Variants in BNC2 observed in about 807,000 individuals in gnomAD.
BNC2 encodes the protein basonuclin zinc finger protein 2, also known as zinc finger protein basonuclin-2.
BNC2 carries 20 observed loss-of-function variants against 76.3 expected under a neutral mutation model. The observed-to-expected ratio is 0.26, with a 90% CI of 0.18 to 0.38. The LOEUF (loss-of-function observed/expected upper bound fraction) is 0.38. BNC2 is among the 10% of genes least tolerant of loss of function. BNC2 has a pLI of 1.00. For synonymous variants in BNC2, 582 were observed against 514.8 expected (o/e 1.13, Z -1.77); for missense variants, 1,382 against 1,399.8 (o/e 0.99, Z 0.20).
intron 3 of BNC2, among the ~76,000 whole-genome samples, chr9:16,660,105 T>A (rs926056477): frequency 6.6e-6 from 1 of 152,222 alleles, no homozygotes; most frequent in African/African-American, 2.4e-5. Context: ...AATTGTACTA[T>A]TTACTAGCAC....
intron 5 of BNC2, among the ~76,000 whole-genome samples, chr9:16,437,853 G>T (rs761055600): frequency 8.6e-5 from 13 of 152,026 alleles, no homozygotes; most frequent in Non-Finnish European, 1.6e-4. Flanking sequence ...CAACTATTTA[G>T]CATATATTAG....
chr9:16,775,034 G>A (rs1415389399), intron 1 of BNC2, among the ~76,000 whole-genome samples: 1 of 152,094 alleles, frequency 6.6e-6, no homozygotes, highest in African/African-American at 2.4e-5. Flanking sequence ...ATTATTTCTA[G>A]GTTCCTTTAG....
Position 16,815,992 on chromosome 9 carries a change from A to G in BNC2, c.3+54654T>C, listed in dbSNP as rs951359678. On this transcript the variant is annotated intron_variant, in intron 1 of 6. Coordinates refer to ENST00000380672, the MANE Select transcript of BNC2 (RefSeq NM_017637.6). Reference sequence around the variant, plus strand: ...GAAGTTCTTCATGTTTTAACTGGAAAGTTAAAAACAATTTCCCAACTGCCT... The same window carrying G: ...GAAGTTCTTCATGTTTTAACTGGAAGGTTAAAAACAATTTCCCAACTGCCT... 9.9e-5 allele frequency among the ~76,000 whole-genome samples: 15 copies of G among 152,272 alleles called. 1 individual carries two copies. Among genetic ancestry groups the G allele is most frequent in the South Asian group, 2.1e-4 (1 of 4,824 alleles).
rs564446382 is a variant in BNC2, at chr9:16,851,768, A to G, written c.3+18878T>C. ...TAAAAATGAAGGAAAAAGTTATTCA[A>G]AGATTAATCAAAAGCCCAGATCACG... On this transcript the variant is annotated intron_variant, in intron 1 of 6. Coordinates refer to ENST00000380672, the MANE Select transcript of BNC2 (RefSeq NM_017637.6). Among the ~76,000 whole-genome samples, 3 of 152,320 alleles carry G rather than the reference A, an allele frequency of 2.0e-5. No individual in the cohort carries two copies. In the East Asian group the frequency reaches 5.8e-4, roughly 29 times the overall value.
chr9:16,827,051 T>C (rs902835934), intron 1 of BNC2, among the ~76,000 whole-genome samples: 9 of 152,220 alleles, frequency 5.9e-5, no homozygotes, highest in African/African-American at 2.2e-4. Context: ...ATTTAAGCGA[T>C]GTTACCAATT....
At chr9:16,857,529 G>A (rs940669450) in intron 1 of BNC2, among the ~76,000 whole-genome samples, 48 of 101,740 alleles carry the variant, frequency 4.7e-4, no homozygotes, top group African/African-American at 1.4e-3. Context: ...ATCCTCTACA[G>A]AATTTTCACA....
At chr9:16,505,800 C>T (rs1049758484) in intron 5 of BNC2, among the ~76,000 whole-genome samples, 26 of 152,154 alleles carry the variant, frequency 1.7e-4, no homozygotes, top group African/African-American at 5.8e-4. Flanking sequence ...TGTTAGCATT[C>T]GTAATAATAT....
chr9:16,806,268 G>C (rs141136053), intron 1 of BNC2, among the ~76,000 whole-genome samples: 2 of 152,276 alleles, frequency 1.3e-5, no homozygotes, highest in Non-Finnish European at 2.9e-5. Context: ...TTGAGCCCAA[G>C]GGTTCAAGAC....
intron 5 of BNC2, among the ~76,000 whole-genome samples, chr9:16,444,206 T>C (rs1259082515): frequency 5.3e-5 from 8 of 152,132 alleles, no homozygotes; most frequent in African/African-American, 1.2e-4. Flanking sequence ...TATTTTTACC[T>C]AAAGGTGATT....
intron 5 of BNC2, among the ~76,000 whole-genome samples, chr9:16,491,814 T>C (rs147078307): frequency 1.5e-4 from 23 of 152,344 alleles, no homozygotes; most frequent in African/African-American, 5.5e-4. Context: ...AAGAAAAAGT[T>C]ACTACTACAT....
chr9:16,778,448 G>A (rs2135523221), intron 1 of BNC2, among the ~76,000 whole-genome samples: 1 of 152,060 alleles, frequency 6.6e-6, no homozygotes, highest in African/African-American at 2.4e-5. Flanking sequence ...CTTCTTTTCA[G>A]CCAAAAAAAC....
chr9:16,608,509 T>A (rs929087662), intron 3 of BNC2, among the ~76,000 whole-genome samples: 4 of 152,156 alleles, frequency 2.6e-5, no homozygotes, highest in African/African-American at 9.7e-5. Context: ...ATCAATTTTT[T>A]AAATTTTGTT....
At chr9:16,455,269 G>A (rs1821422086) in intron 5 of BNC2, among the ~76,000 whole-genome samples, 1 of 152,206 alleles carries the variant, frequency 6.6e-6, no homozygotes, top group African/African-American at 2.4e-5. Flanking sequence ...GGCAGAGGGA[G>A]AAGTGGTAGA....
At chr9:16,760,247 A>G (rs1586861650) in intron 1 of BNC2, among the ~76,000 whole-genome samples, 1 of 152,190 alleles carries the variant, frequency 6.6e-6, no homozygotes, top group Admixed American at 6.5e-5. Flanking sequence ...TTTTCAAAAT[A>G]CCACTGCTGT....
At chr9:16,733,851 T>A (rs1169551756) in intron 2 of BNC2, among the ~76,000 whole-genome samples, 3 of 150,634 alleles carry the variant, frequency 2.0e-5, no homozygotes, top group Non-Finnish European at 4.4e-5. Context: ...GCCACTGCAC[T>A]CCAGCCTGGG....
At chr9:16,664,017 G>C (rs1437463968) in intron 3 of BNC2, among the ~76,000 whole-genome samples, 1 of 152,154 alleles carries the variant, frequency 6.6e-6, no homozygotes, top group Admixed American at 6.5e-5. Flanking sequence ...ATTATTATTA[G>C]AGATTAGTTA....
chr9:16,473,853 A>T (rs2131405033), intron 5 of BNC2, among the ~76,000 whole-genome samples: 1 of 152,324 alleles, frequency 6.6e-6, no homozygotes, highest in African/African-American at 2.4e-5. Flanking sequence ...AGCCTGGGCA[A>T]CACAGCGAGA....
chr9:16,567,601 T>C (rs972820769), intron 4 of BNC2, among the ~76,000 whole-genome samples: 3 of 152,194 alleles, frequency 2.0e-5, no homozygotes, highest in African/African-American at 7.2e-5. Flanking sequence ...TAAGAACATA[T>C]TCAGATACTT....
chr9:16,646,803 T>C (rs560600257), intron 3 of BNC2, among the ~76,000 whole-genome samples: 1 of 152,226 alleles, frequency 6.6e-6, no homozygotes, highest in South Asian at 2.1e-4. Context: ...CTAAAAGGGA[T>C]GCAAAAATAG....
Sources: gnomAD v4.1 joint callset for allele counts (sites outside exome capture counted in the v4.1 genomes callset) on GRCh38, gnomAD v4.1.1 for gene constraint, MANE v1.5 for transcripts, NCBI Gene and HGNC (gene_info 2026-07-23, HGNC 2026-07-21) for gene names.